The following BLOC1S3 variants were observed in gnomAD, a reference collection of about 807,000 sequenced individuals.
BLOC1S3 encodes biogenesis of lysosome-related organelles complex 1 subunit 3.
A neutral mutation model predicts 9.1 loss-of-function variants in BLOC1S3; 7 were observed. The observed-to-expected ratio is 0.77, with a 90% CI of 0.44 to 1.45. BLOC1S3 has a LOEUF of 1.45. Among genes scored for constraint, BLOC1S3 ranks in the 40% most tolerant of loss-of-function variants. BLOC1S3 has a pLI of 0.01. For missense variants in BLOC1S3, 307 were observed against 315.2 expected, an observed-to-expected ratio of 0.97 and a Z score of 0.20; for synonymous variants, 145 against 158.4, an observed-to-expected ratio of 0.92 and a Z score of 0.64.
At chr19:45,199,428 GC>G (rs1969673233) in intron 2 of BLOC1S3, among the ~76,000 whole-genome samples, 1 of 145,682 alleles carries the variant, frequency 6.9e-6, no homozygotes, top group Non-Finnish European at 1.5e-5. Flanking sequence ...CAATTCCCCT[GC>G]CTCAGCCTCC....
intron 2 of BLOC1S3, among the ~76,000 whole-genome samples, chr19:45,191,648 C>A (rs1044753189): frequency 6.6e-6 from 1 of 152,228 alleles, no homozygotes; most frequent in Non-Finnish European, 1.5e-5. Context: ...CAGGGGGCAC[C>A]CCAAGCCCAG....
At chr19:45,185,404 G>T (rs1007394365), downstream of BLOC1S3, among the ~76,000 whole-genome samples, 2 of 152,124 alleles carry the variant, frequency 1.3e-5, no homozygotes, top group Non-Finnish European at 2.9e-5. Context: ...CTGTTGAGAC[G>T]TTCGGGCACA....
chr19:45,185,567 A>T (rs1280790516), downstream of BLOC1S3, among the ~76,000 whole-genome samples: 1 of 152,110 alleles, frequency 6.6e-6, no homozygotes, highest in African/African-American at 2.4e-5. Context: ...CATTCAAGGC[A>T]GAAAGAATAG....
At chr19:45,203,044 CT>C (rs1472904299) in intron 3 of BLOC1S3, among the ~76,000 whole-genome samples, 9 of 151,780 alleles carry the variant, frequency 5.9e-5, no homozygotes, top group Non-Finnish European at 1.3e-4. Context: ...GACCTCTTGA[CT>C]TTTCGTCTCC....
At chr19:45,207,700 G>A (rs1424697678) in intron 3 of BLOC1S3, among the ~76,000 whole-genome samples, 1 of 150,856 alleles carries the variant, frequency 6.6e-6, no homozygotes, top group Non-Finnish European at 1.5e-5. Flanking sequence ...TCACACCACT[G>A]CACCCCAGCC....
chr19:45,210,550 C>T (rs1055414287), intron 3 of BLOC1S3, among the ~76,000 whole-genome samples: 13 of 151,588 alleles, frequency 8.6e-5, no homozygotes, highest in Middle Eastern at 3.4e-3. Flanking sequence ...CCGCCCACCT[C>T]GGCCTCCCAA....
At chr19:45,215,715 G>T (rs1001427167) in intron 3 of BLOC1S3, among the ~76,000 whole-genome samples, 1 of 152,136 alleles carries the variant, frequency 6.6e-6, no homozygotes. Context: ...TGCCGCCTGC[G>T]CCTGCCGCTG....
intron 3 of BLOC1S3, among the ~76,000 whole-genome samples, chr19:45,212,200 G>A (rs1447457943): frequency 6.6e-6 from 1 of 152,186 alleles, no homozygotes; most frequent in African/African-American, 2.4e-5. Flanking sequence ...ACAGCCAGGA[G>A]GTGTACATGG....
At chr19:45,188,928 G>A (rs1364384364) in intron 2 of BLOC1S3, among the ~76,000 whole-genome samples, 1 of 151,842 alleles carries the variant, frequency 6.6e-6, no homozygotes, top group Non-Finnish European at 1.5e-5. Flanking sequence ...AGGCTGGGGT[G>A]CAGTGGCGTG....
In BLOC1S3 at chr19:45,180,235, ATTTT is replaced by A. The variant is rs34965337; in HGVS notation, c.*351_*354del. The stretch of plus-strand genomic sequence containing the variant: ...CTGTTTCCACCCTGGGGGCTCACCA[ATTTT>A]TTTTTTTTTTTTTTTTTTTTGGAGA... On this transcript the variant is annotated 3_prime_UTR_variant, in exon 2 of 2. Coordinates refer to ENST00000433642, the MANE Select transcript of BLOC1S3 (RefSeq NM_212550.5). 67 of 90,496 alleles carry A rather than the reference ATTTT, an allele frequency of 7.4e-4. No homozygotes were observed. The highest frequency in any genetic ancestry group is 1.6e-3 in the South Asian group (5 of 3,166). The allele number at this position is 90,496 out of a possible 1,614,324, so 5.6% of individuals were successfully genotyped here. A position where few individuals can be genotyped will look rare whatever the true frequency, so the allele number is the denominator to read the frequency against.
chr19:45,203,087 G>A (rs964337478), intron 3 of BLOC1S3, among the ~76,000 whole-genome samples: 4 of 151,562 alleles, frequency 2.6e-5, no homozygotes, highest in African/African-American at 9.7e-5. Flanking sequence ...AGTCTCTCCC[G>A]GAACTGCAAG....
intron 2 of BLOC1S3, among the ~76,000 whole-genome samples, chr19:45,193,130 CTCA>C (rs1969619018): frequency 2.5e-5 from 1 of 40,714 alleles, no homozygotes. Flanking sequence ...AAAACTCCGT[CTCA>C]AAAAAAAAAA....
chr19:45,181,861 C>CT (rs1452236489), downstream of BLOC1S3: 1 of 166,348 alleles, frequency 6.0e-6, no homozygotes, highest in African/African-American at 2.4e-5. Flanking sequence ...GTTGATTTCT[C>CT]TGAGAATGGG....
chr19:45,213,120 A>G, intron 3 of BLOC1S3: 1 of 1,557,558 alleles, frequency 6.4e-7, no homozygotes, highest in East Asian at 2.3e-5. Context: ...GCCGAGGCAG[A>G]CAGGCCAAAC....
downstream of BLOC1S3, among the ~76,000 whole-genome samples, chr19:45,186,745 G>A (rs1300012275): frequency 2.0e-5 from 3 of 152,132 alleles, no homozygotes; most frequent in Non-Finnish European, 2.9e-5. Flanking sequence ...TTACAGGCAT[G>A]AGCCACCACA....
chr19:45,183,978 C>T (rs1046505108), downstream of BLOC1S3, among the ~76,000 whole-genome samples: 1 of 152,124 alleles, frequency 6.6e-6, no homozygotes, highest in Non-Finnish European at 1.5e-5. Context: ...CCCTGAGGAG[C>T]TGAGCTGCCT....
chr19:45,184,925 AAAAAAAG>A (rs1454643134), downstream of BLOC1S3, among the ~76,000 whole-genome samples: 3 of 149,520 alleles, frequency 2.0e-5, no homozygotes, highest in Non-Finnish European at 4.5e-5. Context: ...AAAAAAAAAA[AAAAAAAG>A]GAAGGAAGGG....
At chr19:45,203,563 C>T (rs1426723108) in intron 3 of BLOC1S3, among the ~76,000 whole-genome samples, 3 of 152,128 alleles carry the variant, frequency 2.0e-5, no homozygotes, top group East Asian at 1.9e-4. Context: ...TGAGCCACCG[C>T]GCCCAGCCTC....
chr19:45,183,455 G>T (rs1272757693), downstream of BLOC1S3, among the ~76,000 whole-genome samples: 3 of 148,974 alleles, frequency 2.0e-5, no homozygotes, highest in Non-Finnish European at 4.5e-5. Flanking sequence ...CAGCCCAGGG[G>T]ACAGAGCAAG....
Sources: allele counts gnomAD v4.1 joint callset (sites outside exome capture counted in the v4.1 genomes callset), GRCh38; gene constraint gnomAD v4.1.1; transcripts MANE v1.5; gene names NCBI Gene and HGNC (gene_info 2026-07-23, HGNC 2026-07-21).